NYAP2: variants seen among roughly 807,000 people sequenced by gnomAD.
NYAP2 encodes the protein neuronal tyrosine-phosphorylated phosphoinositide-3-kinase adaptor 2, also known as neuronal tyrosine-phosphorylated phosphoinositide-3-kinase adapter 2.
NYAP2 carries 23 observed loss-of-function variants against 50.4 expected under a neutral mutation model. That is an observed-to-expected ratio of 0.46 (90% confidence interval 0.33 to 0.65). The LOEUF (loss-of-function observed/expected upper bound fraction) is 0.65. Among genes scored for constraint, NYAP2 ranks in the 30% least tolerant of loss-of-function variants. The pLI, the probability that NYAP2 is intolerant of heterozygous loss-of-function variation, is 0.02. For synonymous variants in NYAP2, 394 were observed against 365.2 expected (o/e 1.08, Z -0.90); for missense variants, 885 against 861.0 (o/e 1.03, Z -0.35).
At chr2:225,603,755 T>G (rs1574704393) in intron 5 of NYAP2, among the ~76,000 whole-genome samples, 1 of 152,328 alleles carries the variant, frequency 6.6e-6, no homozygotes, top group East Asian at 1.9e-4. Context: ...ATAGTTTTGT[T>G]TGTTTGAGGC....
chr2:225,426,153 A>ATTT (rs1559176519), intron 3 of NYAP2, among the ~76,000 whole-genome samples: 15 of 150,380 alleles, frequency 1.0e-4, no homozygotes, highest in African/African-American at 3.7e-4. Context: ...TTTTTTTTTA[A>ATTT]AAATTCTACT....
rs116247781 is a variant in NYAP2, at chr2:225,448,419, T to C, written c.221+39318T>C. Reference sequence around the variant, plus strand: ...AGGGGATGGAAGTGGGGAAGGATGCTAGATTATTGAAGCAGCTACCTCTCT... The same window carrying C: ...AGGGGATGGAAGTGGGGAAGGATGCCAGATTATTGAAGCAGCTACCTCTCT... On this transcript the variant is annotated intron_variant, in intron 3 of 6. Transcript: ENST00000636099. 7.0e-3 allele frequency among the ~76,000 whole-genome samples: 1,064 copies of C among 152,290 alleles called. 10 individuals are homozygous for C. The highest frequency in any genetic ancestry group is 0.024 in the African/African-American group (994 of 41,560).
Position 225,461,118 on chromosome 2 carries a change from C to T in NYAP2, c.221+52017C>T, listed in dbSNP as rs147463532. ...ATTGTTCCTCCCCATGCAAATAGTT[C>T]TGCTTAAAGCTAAATGATGGCTCCC... On this transcript the variant is annotated intron_variant, in intron 3 of 6. Coordinates refer to ENST00000636099, the Ensembl canonical transcript of NYAP2. Among the ~76,000 whole-genome samples the T allele has an allele frequency of 7.4e-3, 1,124 of 151,484 alleles. 12 individuals carry two copies. The highest frequency in any genetic ancestry group is 0.026 in the African/African-American group (1,067 of 41,310).
chr2:225,655,887 C>A (rs375243640), downstream of NYAP2, among the ~76,000 whole-genome samples: 704 of 66,318 alleles, frequency 0.011, 9 homozygotes, highest in African/African-American at 0.064. Context: ...ACCTCCACTA[C>A]ACACACACAC....
chr2:225,501,145 G>A (rs1690599101), intron 3 of NYAP2, among the ~76,000 whole-genome samples: 1 of 152,098 alleles, frequency 6.6e-6, no homozygotes, highest in Non-Finnish European at 1.5e-5. Flanking sequence ...TCAAATCCAG[G>A]GCATGACTTT....
intron 3 of NYAP2, among the ~76,000 whole-genome samples, chr2:225,447,179 A>G (rs1689576880): frequency 1.3e-5 from 2 of 152,160 alleles, no homozygotes; most frequent in South Asian, 4.1e-4. Context: ...AGCCTTGCAT[A>G]TGTAGCCCAG....
At chr2:225,487,614 C>T (rs1488163864) in intron 3 of NYAP2, among the ~76,000 whole-genome samples, 1 of 152,142 alleles carries the variant, frequency 6.6e-6, no homozygotes, top group Non-Finnish European at 1.5e-5. Context: ...ACTGCTTCAG[C>T]CTCCCAAAGT....
At chr2:225,398,974 G>A (rs1001602069), upstream of NYAP2, among the ~76,000 whole-genome samples, 1 of 152,076 alleles carries the variant, frequency 6.6e-6, no homozygotes, top group African/African-American at 2.4e-5. Context: ...TTAAGAATTA[G>A]ACAGGTGAAC....
chr2:225,412,255 C>CTGTTTTTTTTTT (rs1695055563), intron 3 of NYAP2, among the ~76,000 whole-genome samples: 1 of 59,128 alleles, frequency 1.7e-5, no homozygotes, highest in Non-Finnish European at 3.3e-5. Context: ...CTGCGCCCGG[C>CTGTTTTTTTTTT]TTTTTTTTTT....
intron 4 of NYAP2, among the ~76,000 whole-genome samples, chr2:225,523,609 T>A: frequency 6.6e-6 from 1 of 152,042 alleles, no homozygotes; most frequent in East Asian, 1.9e-4. Flanking sequence ...ACTAGAAGAA[T>A]CAGTATGATT....
intron 6 of NYAP2, among the ~76,000 whole-genome samples, chr2:225,641,474 C>T (rs1270718329): frequency 1.6e-5 from 2 of 125,744 alleles, no homozygotes; most frequent in African/African-American, 6.6e-5. Flanking sequence ...CACACAAACA[C>T]ACACACAATT....
chr2:225,503,130 C>A (rs1249891279), intron 3 of NYAP2, among the ~76,000 whole-genome samples: 2 of 152,090 alleles, frequency 1.3e-5, no homozygotes, highest in Non-Finnish European at 2.9e-5. Flanking sequence ...ATATGGTTAG[C>A]TAAACTCATT....
intron 4 of NYAP2, among the ~76,000 whole-genome samples, chr2:225,544,308 G>A (rs1321446189): frequency 1.3e-5 from 2 of 151,364 alleles, no homozygotes; most frequent in African/African-American, 4.9e-5. Context: ...CATAAATAGG[G>A]ACTTACTCCT....
rs569226205 is a variant in NYAP2 at position 225,649,108 on chromosome 2, G to A, written c.1829-2324G>A. 2.6e-5 allele frequency among the ~76,000 whole-genome samples: 4 copies of A among 152,302 alleles called. No individual in the cohort carries two copies. The South Asian group carries it at 8.3e-4, about 32-fold the overall frequency. Reference sequence around the variant, plus strand: ...CTTGTGCAAGTGCGTGTGTATGTGTGTGTATGTGTGTAGGGGGTGAGAGCT... The same window carrying A: ...CTTGTGCAAGTGCGTGTGTATGTGTATGTATGTGTGTAGGGGGTGAGAGCT... On this transcript the variant is annotated intron_variant, in intron 6 of 6. Coordinates refer to ENST00000636099, the Ensembl canonical transcript of NYAP2.
In NYAP2 at chr2:225,429,062, C is replaced by T. The variant is rs564567738; in HGVS notation, c.221+19961C>T. Reference sequence around the variant, plus strand: ...AGTCTTAGAGACTTTAAGAAATTCTCCAAAATCATATCATTAGCCAGTGGC... The same window carrying T: ...AGTCTTAGAGACTTTAAGAAATTCTTCAAAATCATATCATTAGCCAGTGGC... On this transcript the variant is annotated intron_variant, in intron 3 of 6. Coordinates refer to ENST00000636099, the Ensembl canonical transcript of NYAP2. Among the ~76,000 whole-genome samples the T allele has an allele frequency of 5.9e-5, 9 of 152,106 alleles. No individual in the cohort carries two copies. The South Asian group carries it at 6.2e-4, about 11-fold the overall frequency.
chr2:225,674,635 G>A, the NYAP2 span, among the ~76,000 whole-genome samples: 2 of 152,146 alleles, frequency 1.3e-5, no homozygotes, highest in Admixed American at 1.3e-4. Context: ...CCCCCGACAT[G>A]TCATTAGTCT....
intron 5 of NYAP2, among the ~76,000 whole-genome samples, chr2:225,586,036 A>T (rs529634973): frequency 1.1e-4 from 16 of 152,340 alleles, no homozygotes; most frequent in Admixed American, 2.6e-4. Flanking sequence ...CAGGAATAAA[A>T]GCAAAACTGA....
chr2:225,607,488 G>A (rs188173925), intron 5 of NYAP2, among the ~76,000 whole-genome samples: 4 of 152,154 alleles, frequency 2.6e-5, no homozygotes, highest in Non-Finnish European at 1.5e-5. Flanking sequence ...AATTTGCTGC[G>A]TTGTGTCCTA....
chr2:225,535,019 C>G (rs1691322190), intron 4 of NYAP2, among the ~76,000 whole-genome samples: 1 of 152,086 alleles, frequency 6.6e-6, no homozygotes. Context: ...GAAAACTGTC[C>G]CCAGGAGTTT....
Sources: allele counts gnomAD v4.1 joint callset (sites outside exome capture counted in the v4.1 genomes callset), GRCh38; gene constraint gnomAD v4.1.1; transcripts MANE v1.5; gene names NCBI Gene and HGNC (gene_info 2026-07-23, HGNC 2026-07-21).